Variants in MGAT4A observed in about 807,000 individuals in gnomAD.
The protein encoded by MGAT4A is alpha-1,3-mannosyl-glycoprotein 4-beta-N-acetylglucosaminyltransferase A, also known as N-acetylglucosaminyltransferase IVa.
A neutral mutation model predicts 74.1 loss-of-function variants in MGAT4A; 33 were observed. The ratio of observed to expected loss-of-function variants is 0.45; its 90% CI spans 0.34 to 0.60. MGAT4A has a LOEUF of 0.60. Ranked by LOEUF, MGAT4A falls within the 20% of genes least tolerant of loss-of-function variation. MGAT4A has a pLI of 0.02. For synonymous variants in MGAT4A, 198 were observed against 210.4 expected (o/e 0.94, Z 0.51); for missense variants, 479 against 628.3 (o/e 0.76, Z 2.54).
At chr2:98,655,694 C>T (rs1701648248) in intron 7 of MGAT4A, among the ~76,000 whole-genome samples, 174 bp from the exon 8 acceptor site, 1 of 152,136 alleles carries the variant, frequency 6.6e-6, no homozygotes, top group Non-Finnish European at 1.5e-5. Context: ...ATTCACTTTC[C>T]TCTAATGAAG....
chr2:98,717,911 G>C (rs1055623824), intron 2 of MGAT4A, among the ~76,000 whole-genome samples: 2 of 152,216 alleles, frequency 1.3e-5, no homozygotes, highest in Admixed American at 1.3e-4. Flanking sequence ...CGTATTCCAA[G>C]TCCTAGACTT....
chr2:98,624,836 A>G lies in MGAT4A; in HGVS notation c.*730T>C, dbSNP rs952219771. On this transcript the variant is annotated 3_prime_UTR_variant, in exon 16 of 16. Coordinates refer to ENST00000393487, the MANE Select transcript of MGAT4A (RefSeq NM_012214.3). ...CAGTATAGTAAAGTAACCCTCAGGAAGGACATTAGTCTTTAAAATCTTGGC... is the reference window on the plus strand; with the variant it reads ...CAGTATAGTAAAGTAACCCTCAGGAGGGACATTAGTCTTTAAAATCTTGGC... 18 of 985,496 alleles carry G rather than the reference A, an allele frequency of 1.8e-5. No homozygotes were observed. The African/African-American group carries it at 3.1e-4, about 17-fold the overall frequency. The allele number at this position is 985,496 out of a possible 1,614,324, so 61.0% of individuals were successfully genotyped here.
intron 5 of MGAT4A, among the ~76,000 whole-genome samples, chr2:98,661,315 T>C (rs1200332780): frequency 6.6e-6 from 1 of 152,204 alleles, no homozygotes; most frequent in African/African-American, 2.4e-5. Flanking sequence ...ACTGTATCCA[T>C]ACTGGATACA....
intron 2 of MGAT4A, 62 bp downstream of exon 2, chr2:98,726,177 C>T: frequency 7.7e-7 from 1 of 1,295,592 alleles, no homozygotes; most frequent in Non-Finnish European, 1.1e-6. Context: ...AGCATTTAGG[C>T]ACCTTAACCA....
intron 8 of MGAT4A, among the ~76,000 whole-genome samples, chr2:98,650,926 C>T (rs1472823378): frequency 2.6e-5 from 4 of 151,326 alleles, no homozygotes; most frequent in East Asian, 1.9e-4. Flanking sequence ...TCAGCCTGGG[C>T]GACAGAGCAA....
chr2:98,717,865 C>G (rs1418044971), intron 2 of MGAT4A, among the ~76,000 whole-genome samples: 2 of 152,204 alleles, frequency 1.3e-5, no homozygotes, highest in Non-Finnish European at 2.9e-5. Flanking sequence ...TCAAAAAACA[C>G]AGGTCGACAA....
At chr2:98,722,690 T>C (rs1234622758) in intron 2 of MGAT4A, among the ~76,000 whole-genome samples, 3 of 152,182 alleles carry the variant, frequency 2.0e-5, no homozygotes, top group Admixed American at 2.0e-4. Context: ...ATGAATTGTA[T>C]AGTATGTAAA....
chr2:98,720,838 G>A (rs1702658873), intron 2 of MGAT4A, among the ~76,000 whole-genome samples: 1 of 152,150 alleles, frequency 6.6e-6, no homozygotes, highest in African/African-American at 2.4e-5. Flanking sequence ...CATGTGTAAT[G>A]GGAATACCAG....
intron 2 of MGAT4A, among the ~76,000 whole-genome samples, chr2:98,683,314 T>C (rs1166974927): frequency 6.6e-6 from 1 of 152,146 alleles, no homozygotes; most frequent in Non-Finnish European, 1.5e-5. Context: ...CAATGTTAAA[T>C]TTCCTGAATT....
chr2:98,677,430 A>G (rs375591102), intron 3 of MGAT4A, among the ~76,000 whole-genome samples: 4 of 152,200 alleles, frequency 2.6e-5, no homozygotes, highest in African/African-American at 4.8e-5. Context: ...ACCAGTGCCA[A>G]TGAAATTTAT....
Position 98,625,818 on chromosome 2 carries a change from C to T in MGAT4A, c.1486G>A (p.Val496Ile), listed in dbSNP as rs1480828020. The T allele has an allele frequency of 1.2e-5, 19 of 1,608,472 alleles. No homozygotes were observed. The highest frequency in any genetic ancestry group is 1.4e-5 in the Non-Finnish European group (17 of 1,175,886). ...YFRIGKFENGVAEGMVDPSLN... is the reference protein window; with the variant it reads ...YFRIGKFENGIAEGMVDPSLN... ...CTTGGATCCACCATTCCTTCTGCAACACCATTCTCAAATTTTCCTTCAAAA... is the reference window on the plus strand; with the variant it reads ...CTTGGATCCACCATTCCTTCTGCAATACCATTCTCAAATTTTCCTTCAAAA... Residue 496 changes from valine (V) to isoleucine (I), a missense_variant, in exon 15 of 16, where the codon GTT becomes ATT. Physicochemically the swap from Val to Ile is conservative, Grantham distance 29. Transcript: ENST00000393487.
intron 14 of MGAT4A, among the ~76,000 whole-genome samples, chr2:98,634,885 G>T (rs1369906880): frequency 6.6e-6 from 1 of 151,856 alleles, no homozygotes; most frequent in Admixed American, 6.6e-5. Context: ...AGGAGGGAAG[G>T]GGCCCGAAGC....
intron 2 of MGAT4A, among the ~76,000 whole-genome samples, chr2:98,717,927 T>C (rs1399839167): frequency 1.3e-5 from 2 of 152,228 alleles, no homozygotes; most frequent in African/African-American, 4.8e-5. Flanking sequence ...GACTTAGTAT[T>C]AATTTTCCTT....
Position 98,621,944 on chromosome 2 carries a change from A to T in MGAT4A, c.*3622T>A. 1 of 995,020 alleles carries T rather than the reference A, an allele frequency of 1.0e-6. No individual in the cohort carries two copies. The highest frequency in any genetic ancestry group is 1.2e-6 in the Non-Finnish European group (1 of 836,036). 61.6% of individuals were successfully genotyped at this position (995,020 alleles called of 1,614,324 possible). Reference sequence around the variant, plus strand: ...ATCTCCAATTGTTGAACAAATACACACATACGTATCTACAGCCTATGTGCT... The same window carrying T: ...ATCTCCAATTGTTGAACAAATACACTCATACGTATCTACAGCCTATGTGCT... On this transcript the variant is annotated 3_prime_UTR_variant, in exon 16 of 16. Coordinates refer to ENST00000393487, the MANE Select transcript of MGAT4A (RefSeq NM_012214.3).
intron 12 of MGAT4A, among the ~76,000 whole-genome samples, chr2:98,637,035 C>T (rs1258363833): frequency 2.6e-5 from 4 of 152,050 alleles, no homozygotes; most frequent in Non-Finnish European, 5.9e-5. Context: ...CTAGGCTGGG[C>T]GTGGTGGCTC....
At chr2:98,729,391 A>C (rs1575288093) in intron 1 of MGAT4A, among the ~76,000 whole-genome samples, 1 of 152,176 alleles carries the variant, frequency 6.6e-6, no homozygotes, top group East Asian at 1.9e-4. Context: ...GGATCTACTC[A>C]CTCTTCAATT....
chr2:98,623,527 T>C lies in MGAT4A; in HGVS notation c.*2039A>G. ...AAATTTTATGACAAAAGGTTATTCC[T>C]GTTTTTGAATGAAATTTGCTCATGG... On this transcript the variant is annotated 3_prime_UTR_variant, in exon 16 of 16. Transcript: ENST00000393487. 1 of 985,446 alleles carries C rather than the reference T, an allele frequency of 1.0e-6. No homozygotes were observed. The allele number at this position is 985,446 out of a possible 1,614,324, so 61.0% of individuals were successfully genotyped here. A position where few individuals can be genotyped will look rare whatever the true frequency, so the allele number is the denominator to read the frequency against.
intron 8 of MGAT4A, among the ~76,000 whole-genome samples, chr2:98,647,611 G>A (rs570382357): frequency 2.0e-5 from 3 of 152,312 alleles, no homozygotes; most frequent in East Asian, 3.9e-4. Flanking sequence ...GAGCCACTGC[G>A]CCCGGCCCAT....
At chr2:98,704,695 A>C (rs2104317982) in intron 2 of MGAT4A, among the ~76,000 whole-genome samples, 1 of 152,064 alleles carries the variant, frequency 6.6e-6, no homozygotes, top group South Asian at 2.1e-4. Flanking sequence ...GCTTGAGCCC[A>C]GGAGGCAGAG....
Sources: allele counts gnomAD v4.1 joint callset (sites outside exome capture counted in the v4.1 genomes callset), GRCh38; gene constraint gnomAD v4.1.1; transcripts MANE v1.5; gene names NCBI Gene and HGNC (gene_info 2026-07-23, HGNC 2026-07-21).